Variants in ARHGEF17 observed in about 807,000 individuals in gnomAD.
ARHGEF17 encodes the protein 164 kDa Rho-specific guanine-nucleotide exchange factor.
Under a neutral mutation model 174.0 loss-of-function variants are expected in ARHGEF17, and 80 were observed. That is an observed-to-expected ratio of 0.46 (90% CI 0.38 to 0.55). The LOEUF is 0.55. ARHGEF17 is among the 20% of genes least tolerant of loss of function. The pLI is 0.00. For missense variants in ARHGEF17, 2,886 were observed against 2,839.7 expected (o/e 1.02, Z -0.37); for synonymous variants, 1,311 against 1,189.1 (o/e 1.10, Z -2.11).
rs764421666 is a variant in ARHGEF17 at position 73,310,363 on chromosome 11, C to T, written c.1725C>T (p.Gly575=). ...GCTCCTCCGAGCTCCTGCTCACAGGCCCTGGTGCCGAGGAGGATCCGCTGC... is the reference window on the plus strand; with the variant it reads ...GCTCCTCCGAGCTCCTGCTCACAGGTCCTGGTGCCGAGGAGGATCCGCTGC... The part of the protein sequence containing the change: ...KSSSSELLLT[G]PGAEEDPLPL... Residue 575 remains glycine, a synonymous_variant, in exon 1 of 21, where the codon GGC becomes GGT. Transcript: ENST00000263674. 15 of 1,613,884 alleles carry T rather than the reference C, an allele frequency of 9.3e-6. No homozygotes were observed. The highest frequency in any genetic ancestry group is 1.3e-5 in the Non-Finnish European group (15 of 1,180,010).
chr11:73,352,049 G>A lies in ARHGEF17; in HGVS notation c.3271-781G>A, dbSNP rs190878792. Among the ~76,000 whole-genome samples the A allele has an allele frequency of 1.1e-4, 17 of 152,252 alleles. No individual in the cohort carries two copies. In the East Asian group the frequency reaches 1.2e-3, roughly 10 times the overall value. ...CTTAAATATAAAATAATGGCTGGGC[G>A]CAGTGGCTCATGCCTATAATCCCAG... On this transcript the variant is annotated intron_variant, in intron 2 of 20. Transcript: ENST00000263674.
At chr11:73,327,920 A>C (rs1865130816) in intron 1 of ARHGEF17, among the ~76,000 whole-genome samples, 1 of 152,176 alleles carries the variant, frequency 6.6e-6, no homozygotes, top group Admixed American at 6.5e-5. Flanking sequence ...GGAAAAGCTG[A>C]GTACTCACGT....
chr11:73,342,666 C>A (rs193190741), intron 1 of ARHGEF17, among the ~76,000 whole-genome samples: 3 of 152,136 alleles, frequency 2.0e-5, no homozygotes, highest in Non-Finnish European at 4.4e-5. Context: ...CGTGGCTCCT[C>A]GGTGGGAAGC....
At chr11:73,339,162 T>G (rs756424805) in intron 1 of ARHGEF17, among the ~76,000 whole-genome samples, 3 of 152,212 alleles carry the variant, frequency 2.0e-5, no homozygotes, top group Non-Finnish European at 4.4e-5. Context: ...TGCCATTTCT[T>G]TCTCAGTTCC....
rs118029365 is a variant in ARHGEF17 at position 73,326,439 on chromosome 11, C to G, written c.3192+14609C>G. 3.6e-3 allele frequency among the ~76,000 whole-genome samples: 547 copies of G among 152,296 alleles called. 2 individuals are homozygous for G. The highest frequency in any genetic ancestry group is 0.01 in the Middle Eastern group (3 of 294). On this transcript the variant is annotated intron_variant, in intron 1 of 20. Coordinates refer to ENST00000263674, the MANE Select transcript of ARHGEF17 (RefSeq NM_014786.4). Reference sequence around the variant, plus strand: ...TGATCCCAGAGTGGTAATTTCCAAGCTCACGGCTGTAATCCCAGCACTTTG... The same window carrying G: ...TGATCCCAGAGTGGTAATTTCCAAGGTCACGGCTGTAATCCCAGCACTTTG...
chr11:73,365,364 C>A lies in ARHGEF17; in HGVS notation c.5551-26C>A. 6.2e-7 allele frequency: 1 copy of A among 1,612,930 alleles called. No individual in the cohort carries two copies. On this transcript the variant is annotated intron_variant, in intron 18 of 20. Transcript: ENST00000263674. This position sits in a 1 kb window ranked among gnomAD's most constrained non-coding sequence, Gnocchi z 4.9. ...CCAAGGGAGGCAGGCCTGCCAATGACCCATCTTCTCCCCCGCCTTCCCCAG... is the reference window on the plus strand; with the variant it reads ...CCAAGGGAGGCAGGCCTGCCAATGAACCATCTTCTCCCCCGCCTTCCCCAG...
chr11:73,363,195 G>A lies in ARHGEF17; in HGVS notation c.4997-11G>A, dbSNP rs1865776858. 6.5e-7 allele frequency: 1 copy of A among 1,532,384 alleles called. No individual in the cohort carries two copies. The highest frequency in any genetic ancestry group is 8.8e-7 in the Non-Finnish European group (1 of 1,137,896). 94.9% of individuals were successfully genotyped at this position (1,532,384 alleles called of 1,614,324 possible). On this transcript the variant is annotated splice_polypyrimidine_tract_variant and intron_variant, in intron 14 of 20. Transcript: ENST00000263674. ...GAGGGAAATGGAGACAGAGACCTTT[G>A]TCTCCCTCAGATGAGGAGACCCCGA...
Position 73,310,931 on chromosome 11 carries a change from C to T in ARHGEF17, c.2293C>T (p.Pro765Ser). 1.2e-6 allele frequency: 2 copies of T among 1,614,020 alleles called. No homozygotes were observed. Among genetic ancestry groups the T allele is most frequent in the Admixed American group, 1.7e-5 (1 of 60,020 alleles). Residue 765 changes from proline (P) to serine (S), a missense_variant, in exon 1 of 21, where the codon CCC (proline) becomes TCC (serine). Pro to Ser is a moderately conservative substitution (Grantham distance 74). Around this residue, in one of 4 missense-constraint regions of ARHGEF17, gnomAD observed 1,728 missense variants for 1,461.2 expected, o/e 1.18. Transcript: ENST00000263674. Reference sequence around the variant, plus strand: ...CAGCAACCTCCTGGGCTCACTGAGCCCCAAGACAGGGCTCCCTGCCACCTC... The same window carrying T: ...CAGCAACCTCCTGGGCTCACTGAGCTCCAAGACAGGGCTCCCTGCCACCTC... ...VDSNLLGSLS[P>S]KTGLPATSAM...
intron 1 of ARHGEF17, among the ~76,000 whole-genome samples, chr11:73,318,256 T>G (rs1435038735): frequency 6.6e-6 from 1 of 151,682 alleles, no homozygotes; most frequent in Non-Finnish European, 1.5e-5. Context: ...CACCCCCAGA[T>G]AGGGTCTTTT....
intron 2 of ARHGEF17, among the ~76,000 whole-genome samples, chr11:73,352,627 G>A (rs1309512057): frequency 6.6e-6 from 1 of 152,150 alleles, no homozygotes; most frequent in East Asian, 1.9e-4. Flanking sequence ...CTTGTGCCAG[G>A]CCCTGGGCTC....
intron 1 of ARHGEF17, among the ~76,000 whole-genome samples, chr11:73,341,077 C>G (rs1398194343): frequency 1.3e-5 from 2 of 152,162 alleles, no homozygotes; most frequent in Non-Finnish European, 2.9e-5. Flanking sequence ...CCCTGGCTTA[C>G]AAAAGGGACA....
chr11:73,319,126 C>T (rs1300945240), intron 1 of ARHGEF17, among the ~76,000 whole-genome samples: 2 of 150,236 alleles, frequency 1.3e-5, no homozygotes, highest in Admixed American at 6.6e-5. Context: ...TACAGTGGCA[C>T]GATCTCAGCT....
chr11:73,346,844 A>G (rs768642601), intron 1 of ARHGEF17, 39 bp from the exon 2 acceptor site: 29 of 1,390,540 alleles, frequency 2.1e-5, no homozygotes, highest in Admixed American at 9.4e-5. Flanking sequence ...GTCTGGGGGG[A>G]AAAAGACCCC....
At position 73,310,069 on chromosome 11, in the gene ARHGEF17, C is replaced by T. The variant is rs1393077513; in HGVS notation, c.1431C>T (p.Phe477=). Residue 477 remains phenylalanine (F), a synonymous_variant, in exon 1 of 21, where the codon TTC becomes TTT. Coordinates refer to ENST00000263674, the MANE Select transcript of ARHGEF17 (RefSeq NM_014786.4). ...CAGAGACCCTGACGCTTCTCAGTTT[C>T]CTGCGCTCAGACCTTTCAGAGCTGA... ...IASETLTLLS[F]LRSDLSELRV... is the part of the protein sequence containing the mutation. 1.2e-6 allele frequency: 2 copies of T among 1,614,066 alleles called. No individual in the cohort carries two copies. The highest frequency in any genetic ancestry group is 4.5e-5 in the East Asian group (2 of 44,898).
Position 73,362,556 on chromosome 11 carries a change from C to T in ARHGEF17, c.4818C>T (p.Pro1606=), listed in dbSNP as rs1865764018. Residue 1606 remains proline, a synonymous_variant, in exon 14 of 21, where the codon CCC becomes CCT. Transcript: ENST00000263674. ...CGCTCGCGGAGCCGGGGCCGCAGCC[C>T]TGCCTTCACATCTCCATTGCAGGCT... ...AATLAEPGPQ[P]CLHISIAGSG... is the part of the protein sequence containing the mutation. The T allele has an allele frequency of 1.2e-6, 2 of 1,608,982 alleles. No individual in the cohort carries two copies. Among genetic ancestry groups the T allele is most frequent in the East Asian group, 2.2e-5 (1 of 44,872 alleles).
intron 2 of ARHGEF17, among the ~76,000 whole-genome samples, chr11:73,351,187 C>T (rs1865546975): frequency 6.6e-6 from 1 of 152,244 alleles, no homozygotes; most frequent in African/African-American, 2.4e-5. Context: ...CCGGCCTTTT[C>T]AGAATCCCCA....
chr11:73,331,797 C>G (rs1865207848), intron 1 of ARHGEF17, among the ~76,000 whole-genome samples: 1 of 152,172 alleles, frequency 6.6e-6, no homozygotes, highest in African/African-American at 2.4e-5. Context: ...GAAAACCTCT[C>G]CCAGCTCTCA....
At chr11:73,354,715 CA>C (rs369363433) in intron 3 of ARHGEF17, among the ~76,000 whole-genome samples, 12,752 of 91,462 alleles carry the variant, frequency 0.14, 557 homozygotes, top group Middle Eastern at 0.17. Flanking sequence ...GACTCCGTCT[CA>C]AAAAAAAAAA....
At chr11:73,342,259 C>T (rs983130411) in intron 1 of ARHGEF17, among the ~76,000 whole-genome samples, 1 of 151,906 alleles carries the variant, frequency 6.6e-6, no homozygotes, top group Non-Finnish European at 1.5e-5. Context: ...CAAGATGGTC[C>T]CAGGTATAGG....
Sources: gnomAD v4.1 joint callset for allele counts (sites outside exome capture counted in the v4.1 genomes callset) on GRCh38, gnomAD v4.1.1 for gene constraint, gnomAD v4.1.1 regional missense constraint, Gnocchi (gnomAD v3.1) non-coding constraint, MANE v1.5 for transcripts, NCBI Gene and HGNC (gene_info 2026-07-23, HGNC 2026-07-21) for gene names.